ATP5PD: variants seen among roughly 807,000 people sequenced by gnomAD.
The protein encoded by ATP5PD is ATP synthase peripheral stalk subunit d, mitochondrial.
In ATP5PD, 13 loss-of-function variants were observed where a neutral mutation model predicts 22.6. The ratio of observed to expected loss-of-function variants is 0.58; its 90% CI spans 0.37 to 0.91. The LOEUF is 0.91. Among genes scored for constraint, ATP5PD ranks in the 40% least tolerant of loss-of-function variants. The probability of loss-of-function intolerance (pLI) is 0.00; values close to 1 mark genes in which losing one functional copy is unlikely to be tolerated. For missense variants in ATP5PD, 165 were observed against 188.0 expected (o/e 0.88, Z 0.72); for synonymous variants, 51 against 65.0 (o/e 0.79, Z 1.03).
At chr17:75,039,367 C>G (rs1181012527) in intron 4 of ATP5PD, 96 bp from the exon 5 acceptor site, 2 of 1,085,298 alleles carry the variant, frequency 1.8e-6, no homozygotes, top group Non-Finnish European at 1.4e-6. Flanking sequence ...TCCTGCTGTC[C>G]TATTGCTCTA....
At chr17:75,039,910 T>C (rs1393311722) in intron 4 of ATP5PD, 182 bp downstream of exon 4, 5 of 680,070 alleles carry the variant, frequency 7.4e-6, no homozygotes, top group Non-Finnish European at 1.3e-5. Context: ...TTTTTCTTGT[T>C]GGCTTCTTTC....
rs1567988354 is a variant in ATP5PD, at chr17:75,044,204, T to TAGTAGAGACAGGGTTTCTCCACG, written c.-9-1546_-9-1545insCGTGGAGAAACCCTGTCTCTACT. Among the ~76,000 whole-genome samples, 800 of 111,904 alleles carry TAGTAGAGACAGGGTTTCTCCACG rather than the reference T, an allele frequency of 7.1e-3. 73 individuals carry two copies. The highest frequency in any genetic ancestry group is 0.021 in the African/African-American group (317 of 15,412). The allele number at this position is 111,904 out of a possible 152,430, so 73.4% of individuals were successfully genotyped here. On this transcript the variant is annotated intron_variant, in intron 1 of 5. Coordinates refer to ENST00000301587, the MANE Select transcript of ATP5PD (RefSeq NM_006356.3). ...CACACCCAGCTAATTTTTGTATTTTTTTTTTTTTTTTTGAGACGGAGTCTC... is the reference window on the plus strand; with the variant it reads ...CACACCCAGCTAATTTTTGTATTTTTAGTAGAGACAGGGTTTCTCCACGTTTTTTTTTTTTGAGACGGAGTCTC...
rs576689077 is a variant in ATP5PD at position 75,045,961 on chromosome 17, A to G, written c.-10+964T>C. 2.6e-5 allele frequency among the ~76,000 whole-genome samples: 4 copies of G among 152,344 alleles called. No homozygotes were observed. The South Asian group carries it at 8.3e-4, about 32-fold the overall frequency. ...AATTACAAAAGTATTAATTTGGGGA[A>G]CTAATAAATGTCCATAAAATCTTCA... On this transcript the variant is annotated intron_variant, in intron 1 of 5. Coordinates refer to ENST00000301587, the MANE Select transcript of ATP5PD (RefSeq NM_006356.3).
chr17:75,039,535 C>G (rs774360491), intron 4 of ATP5PD: 131 of 461,046 alleles, frequency 2.8e-4, no homozygotes, highest in Non-Finnish European at 4.6e-4. Flanking sequence ...TACAGAATGC[C>G]TGTTTTCACA....
chr17:75,039,378 TGGAGAAACTGTG>T lies in ATP5PD; in HGVS notation c.292-119_292-108del, dbSNP rs2144908441. 3.0e-6 allele frequency: 3 copies of T among 994,900 alleles called. No individual in the cohort carries two copies. In the South Asian group the frequency reaches 4.1e-5, roughly 14 times the overall value. 61.6% of individuals were successfully genotyped at this position (994,900 alleles called of 1,614,324 possible). ...CCACTCCTGCTGTCCTATTGCTCTA[TGGAGAAACTGTG>T]GTTACCCTGAGTGGGGGCGCTCACT... On this transcript the variant is annotated intron_variant, in intron 4 of 5. Coordinates refer to ENST00000301587, the MANE Select transcript of ATP5PD (RefSeq NM_006356.3).
chr17:75,044,759 G>C (rs532945302), intron 1 of ATP5PD, among the ~76,000 whole-genome samples: 1 of 152,252 alleles, frequency 6.6e-6, no homozygotes, highest in African/African-American at 2.4e-5. Context: ...GTAAGATCAG[G>C]GTCAGATATT....
At chr17:75,039,671 C>T (rs192537098) in intron 4 of ATP5PD, 58 of 271,680 alleles carry the variant, frequency 2.1e-4, no homozygotes, top group Non-Finnish European at 3.3e-4. Context: ...TATTTGAATA[C>T]TACTTGGGTA....
At chr17:75,045,084 G>T (rs1446614745) in intron 1 of ATP5PD, among the ~76,000 whole-genome samples, 3 of 152,184 alleles carry the variant, frequency 2.0e-5, no homozygotes, top group African/African-American at 7.2e-5. Context: ...ACAAAAGAGA[G>T]AAATTTTAAA....
chr17:75,039,395 C>A (rs2073135577), intron 4 of ATP5PD, 124 bp from the exon 5 acceptor site: 1 of 838,210 alleles, frequency 1.2e-6, no homozygotes, highest in Non-Finnish European at 1.9e-6. Flanking sequence ...ACTGTGGTTA[C>A]CCTGAGTGGG....
chr17:75,044,825 G>A (rs909468713), intron 1 of ATP5PD, among the ~76,000 whole-genome samples: 2 of 152,186 alleles, frequency 1.3e-5, no homozygotes, highest in African/African-American at 2.4e-5. Context: ...CAAGGGAGGC[G>A]GAAGCAGTCT....
At position 75,039,218 on chromosome 17, in the gene ATP5PD, A is replaced by G; in HGVS notation, c.345T>C (p.Tyr115=). ...VSLSKARIVE[Y]EKEMEKMKNL... is the part of the protein sequence containing the mutation. ...TACCCATCATCCTTACCTCTTTCTC[A>G]TATTCTACAATCCTGGCCTTTGAGA... Residue 115 remains tyrosine, a synonymous_variant, in exon 5 of 6, where the codon TAT becomes TAC. Coordinates refer to ENST00000301587, the MANE Select transcript of ATP5PD (RefSeq NM_006356.3). 1 of 1,613,726 alleles carries G rather than the reference A, an allele frequency of 6.2e-7. No individual in the cohort carries two copies. The highest frequency in any genetic ancestry group is 8.5e-7 in the Non-Finnish European group (1 of 1,179,602).
chr17:75,040,095 T>A lies in ATP5PD; in HGVS notation c.288A>T (p.Glu96Asp), dbSNP rs780869210. ...YTAQVDAEEKEDVKSCAEWVS... is the reference protein window; with the variant it reads ...YTAQVDAEEKDDVKSCAEWVS... ...AGCAGGAGCCTCAACTACTTACATC[T>A]TCTTTTTCTTCGGCATCCACCTGGG... is the stretch of plus-strand genomic sequence containing the variant. The change falls in exon 4 of 6, where the codon GAA becomes GAT. Residue 96 changes from glutamate to aspartate, a missense_variant. By Grantham distance (45) the Glu-to-Asp change is conservative. Coordinates refer to ENST00000301587, the MANE Select transcript of ATP5PD (RefSeq NM_006356.3). 10 of 1,613,542 alleles carry A rather than the reference T, an allele frequency of 6.2e-6. No homozygotes were observed. In the South Asian group the frequency reaches 9.9e-5, roughly 16 times the overall value.
Position 75,038,936 on chromosome 17 carries a change from A to G in ATP5PD, c.482T>C (p.Leu161Ser). The change falls in exon 6 of 6, where the codon TTA (leucine) becomes TCA (serine). Residue 161 changes from leucine to serine, a missense_variant. Coordinates refer to ENST00000301587, the MANE Select transcript of ATP5PD (RefSeq NM_006356.3). Reference protein sequence around the residue: ...PYWPHQPIENL With the variant: ...PYWPHQPIENS ...AGCTTCCTCCTGGACTCAATTTTAT[A>G]AATTCTCAATTGGTTGGTGAGGCCA... 6.8e-6 allele frequency: 11 copies of G among 1,612,262 alleles called. No homozygotes were observed. Among genetic ancestry groups the G allele is most frequent in the Non-Finnish European group, 9.3e-6 (11 of 1,179,452 alleles).
intron 3 of ATP5PD, chr17:75,041,447 C>CA (rs386386616): frequency 0.23 from 25,429 of 108,848 alleles, 4,044 homozygotes; most frequent in East Asian, 0.58. Context: ...CTGTCTCTAC[C>CA]AAAAAAAAAA....
chr17:75,039,603 C>T (rs11077772), intron 4 of ATP5PD: 42,714 of 319,596 alleles, frequency 0.13, 5,156 homozygotes, highest in East Asian at 0.59. Flanking sequence ...AGACTTCTCT[C>T]TGGTGGAGCC....
In ATP5PD at chr17:75,039,189, C is replaced by T. The variant is rs371155959; in HGVS notation, c.354+20G>A. ...AAGAGAGAACCCATATTATAGGCAA[C>T]GGCTACCCATCATCCTTACCTCTTT... is the stretch of plus-strand genomic sequence containing the variant. On this transcript the variant is annotated intron_variant, in intron 5 of 5. Coordinates refer to ENST00000301587, the MANE Select transcript of ATP5PD (RefSeq NM_006356.3). 37 of 1,613,724 alleles carry T rather than the reference C, an allele frequency of 2.3e-5. No individual in the cohort carries two copies. The highest frequency in any genetic ancestry group is 3.3e-4 in the Middle Eastern group (2 of 6,084).
intron 1 of ATP5PD, among the ~76,000 whole-genome samples, chr17:75,046,558 C>A (rs2073219687): frequency 6.6e-6 from 1 of 152,262 alleles, no homozygotes; most frequent in Non-Finnish European, 1.5e-5. Flanking sequence ...AAGGGCGCAG[C>A]CCCGCAGCCA....
chr17:75,039,913 C>T, intron 4 of ATP5PD, 179 bp downstream of exon 4: 1 of 686,266 alleles, frequency 1.5e-6, no homozygotes, highest in Non-Finnish European at 2.5e-6. Context: ...TTCTTGTTGG[C>T]TTCTTTCACT....
rs771577492 is a variant in ATP5PD, at chr17:75,039,225, A to G, written c.338T>C (p.Val113Ala). 3 of 1,614,216 alleles carry G rather than the reference A, an allele frequency of 1.9e-6. No homozygotes were observed. In the South Asian group the frequency reaches 3.3e-5, roughly 18 times the overall value. Reference sequence around the variant, plus strand: ...CATCCTTACCTCTTTCTCATATTCTACAATCCTGGCCTTTGAGAGAGACAC... The same window carrying G: ...CATCCTTACCTCTTTCTCATATTCTGCAATCCTGGCCTTTGAGAGAGACAC... ...EWVSLSKARIVEYEKEMEKMK... is the reference protein window; with the variant it reads ...EWVSLSKARIAEYEKEMEKMK... Residue 113 changes from valine to alanine, a missense_variant, in exon 5 of 6, where the codon GTA becomes GCA. Transcript: ENST00000301587.
Sources: gnomAD v4.1 joint callset for allele counts (sites outside exome capture counted in the v4.1 genomes callset) on GRCh38, gnomAD v4.1.1 for gene constraint, MANE v1.5 for transcripts, NCBI Gene and HGNC (gene_info 2026-07-23, HGNC 2026-07-21) for gene names.